Variants in BRD10 observed in about 807,000 individuals in gnomAD.
BRD10 encodes the protein uncharacterized bromodomain-containing protein 10.
chr9:5,981,329 C>T, the BRD10 span, among the ~76,000 whole-genome samples: 1 of 152,220 alleles, frequency 6.6e-6, no homozygotes, highest in Non-Finnish European at 1.5e-5. Flanking sequence ...TTCCTGGGTA[C>T]CAGTTACTCT....
the BRD10 span, among the ~76,000 whole-genome samples, chr9:5,879,891 T>C: frequency 8.1e-4 from 124 of 152,302 alleles, no homozygotes; most frequent in African/African-American, 2.9e-3. Flanking sequence ...CTGAATTATT[T>C]TTTAATGTAA....
the BRD10 span, among the ~76,000 whole-genome samples, chr9:5,903,272 C>T: frequency 4.6e-5 from 7 of 152,148 alleles, no homozygotes; most frequent in South Asian, 2.1e-4. Context: ...ATGTTCTGAG[C>T]TTGAGAAGAA....
chr9:5,882,972 A>G, the BRD10 span, among the ~76,000 whole-genome samples: 2 of 152,132 alleles, frequency 1.3e-5, no homozygotes, highest in Non-Finnish European at 2.9e-5. Flanking sequence ...GAACACTTGG[A>G]CACAGGAAGG....
At chr9:5,933,275 G>A in the BRD10 span, among the ~76,000 whole-genome samples, 1 of 152,160 alleles carries the variant, frequency 6.6e-6, no homozygotes, top group Non-Finnish European at 1.5e-5. Flanking sequence ...AAACAATACT[G>A]AGAGAATCTC....
the BRD10 span, chr9:5,988,294 G>A: frequency 3.0e-6 from 4 of 1,355,646 alleles, no homozygotes; most frequent in Admixed American, 5.1e-5. Context: ...TCTGATATGG[G>A]CACATAAAAA....
the BRD10 span, among the ~76,000 whole-genome samples, chr9:5,945,476 A>C: frequency 6.6e-6 from 1 of 152,268 alleles, no homozygotes; most frequent in East Asian, 1.9e-4. Context: ...ACATTCAAAG[A>C]CCTAAACAAA....
At chr9:5,965,765 T>C in the BRD10 span, among the ~76,000 whole-genome samples, 19 of 152,298 alleles carry the variant, frequency 1.2e-4, no homozygotes, top group Non-Finnish European at 1.8e-4. Flanking sequence ...CCTATGATGA[T>C]GGAGCTCACT....
the BRD10 span, among the ~76,000 whole-genome samples, chr9:5,984,209 A>G: frequency 2.0e-5 from 3 of 152,146 alleles, no homozygotes; most frequent in African/African-American, 7.2e-5. Flanking sequence ...GATTAAATAT[A>G]AAATACTTCT....
the BRD10 span, among the ~76,000 whole-genome samples, chr9:5,900,294 G>C: frequency 6.6e-6 from 1 of 152,166 alleles, no homozygotes; most frequent in African/African-American, 2.4e-5. Flanking sequence ...GATTAGATCA[G>C]TGGTTTGTAG....
the BRD10 span, among the ~76,000 whole-genome samples, chr9:5,925,527 T>C: frequency 2.6e-5 from 4 of 152,082 alleles, no homozygotes; most frequent in Non-Finnish European, 5.9e-5. Context: ...AGTCTTAAAA[T>C]TACTGACTAT....
At chr9:5,957,887 G>GGCAA in the BRD10 span, among the ~76,000 whole-genome samples, 1 of 151,966 alleles carries the variant, frequency 6.6e-6, no homozygotes, top group Non-Finnish European at 1.5e-5. Flanking sequence ...ATATATACAG[G>GGCAA]GCAAGTTACA....
At chr9:5,941,422 G>A in the BRD10 span, among the ~76,000 whole-genome samples, 1 of 152,082 alleles carries the variant, frequency 6.6e-6, no homozygotes, top group African/African-American at 2.4e-5. Context: ...AAAAACTAAA[G>A]GGCTTTGTCA....
chr9:5,961,417 A>G, the BRD10 span, among the ~76,000 whole-genome samples: 4 of 152,186 alleles, frequency 2.6e-5, no homozygotes, highest in South Asian at 2.1e-4. Context: ...TGCTTTTATA[A>G]TAAGAAAAAA....
chr9:5,928,732 C>T, the BRD10 span, among the ~76,000 whole-genome samples: 1 of 152,152 alleles, frequency 6.6e-6, no homozygotes, highest in South Asian at 2.1e-4. Context: ...CAAAGAGTAA[C>T]CTTCACCCTG....
chr9:5,879,848 C>T, the BRD10 span, among the ~76,000 whole-genome samples: 3 of 152,130 alleles, frequency 2.0e-5, no homozygotes, highest in Non-Finnish European at 2.9e-5. Flanking sequence ...TCCCATAGCT[C>T]GGATCTCCCT....
At chr9:5,890,588 C>T in the BRD10 span, among the ~76,000 whole-genome samples, 3 of 152,036 alleles carry the variant, frequency 2.0e-5, no homozygotes, top group Admixed American at 2.0e-4. Flanking sequence ...ATTGTGGTGT[C>T]GGACCATGAA....
the BRD10 span, among the ~76,000 whole-genome samples, chr9:5,960,080 G>A: frequency 6.6e-6 from 1 of 152,074 alleles, no homozygotes; most frequent in African/African-American, 2.4e-5. Flanking sequence ...TCCCAGACTA[G>A]CACAGCACAT....
At chr9:5,981,458 G>A in the BRD10 span, among the ~76,000 whole-genome samples, 1 of 152,162 alleles carries the variant, frequency 6.6e-6, no homozygotes, top group Non-Finnish European at 1.5e-5. Flanking sequence ...CCTGGCAGAG[G>A]AGAGACACTG....
chr9:5,903,075 C>T, the BRD10 span, among the ~76,000 whole-genome samples: 17 of 152,170 alleles, frequency 1.1e-4, no homozygotes, highest in African/African-American at 4.1e-4. Context: ...GAGATTTCTC[C>T]TTTGACTCAT....
Sources: allele counts gnomAD v4.1 joint callset (sites outside exome capture counted in the v4.1 genomes callset), GRCh38; gene constraint gnomAD v4.1.1; transcripts MANE v1.5; gene names NCBI Gene and HGNC (gene_info 2026-07-23, HGNC 2026-07-21).